The following FRMPD4 variants were observed in gnomAD, a reference collection of about 807,000 sequenced individuals.
FRMPD4 encodes FERM and PDZ domain containing 4.
FRMPD4 carries 22 observed loss-of-function variants against 94.1 expected under a neutral mutation model. The observed-to-expected ratio is 0.23, with a 90% confidence interval of 0.17 to 0.33. The LOEUF is 0.33. Ranked by LOEUF, FRMPD4 falls within the 10% of genes least tolerant of loss-of-function variation. FRMPD4 has a pLI of 1.00. For missense variants in FRMPD4, 1,111 were observed against 1,339.9 expected, an observed-to-expected ratio of 0.83 and a Z score of 2.67; for synonymous variants, 631 against 548.6, an observed-to-expected ratio of 1.15 and a Z score of -2.10.
intron 1 of FRMPD4, among the ~76,000 whole-genome samples, chrX:12,163,359 C>G (rs919269859): frequency 3.4e-5 from 3 of 87,481 alleles, no homozygotes; most frequent in Non-Finnish European, 4.7e-5. Context: ...TTGTTTGTTT[C>G]TTTGTTTGTT....
intron 1 of FRMPD4, among the ~76,000 whole-genome samples, chrX:12,273,171 T>C (rs2054380722): frequency 8.9e-6 from 1 of 112,228 alleles, no homozygotes; most frequent in African/African-American, 3.2e-5. Context: ...GTCTTGTTAT[T>C]CTAGACAAAG....
intron 1 of FRMPD4, among the ~76,000 whole-genome samples, chrX:12,287,998 C>A (rs2054626013): frequency 9.0e-6 from 1 of 111,506 alleles, no homozygotes; most frequent in Admixed American, 9.5e-5. Flanking sequence ...TGGCTGCCAC[C>A]CATCTGACAA....
chrX:12,664,220 C>T (rs1391316351), intron 4 of FRMPD4, among the ~76,000 whole-genome samples: 2 of 112,064 alleles, frequency 1.8e-5, no homozygotes, highest in East Asian at 5.6e-4. Flanking sequence ...ATTGCCCTGG[C>T]CCAGAACTTC....
At chrX:12,665,939 G>A (rs969547558) in intron 4 of FRMPD4, among the ~76,000 whole-genome samples, 19 of 111,627 alleles carry the variant, frequency 1.7e-4, no homozygotes, top group African/African-American at 6.2e-4. Flanking sequence ...AACTTTAAAT[G>A]TAAATGGGCT....
chrX:11,886,729 C>A (rs755472434), intron 3 of FRMPD4, among the ~76,000 whole-genome samples: 1 of 97,920 alleles, frequency 1.0e-5, no homozygotes, highest in Admixed American at 1.2e-4. Context: ...CTCCAGTAAT[C>A]GTGACTTTTT....
chrX:12,245,272 C>A (rs2053938864), intron 1 of FRMPD4, among the ~76,000 whole-genome samples: 1 of 111,037 alleles, frequency 9.0e-6, no homozygotes, highest in Non-Finnish European at 1.9e-5. Context: ...GCGCTCTTGC[C>A]CAGAAATGAT....
rs749643258 is a variant in FRMPD4, at chrX:12,427,846, G to A, written c.42-70834G>A. Among the ~76,000 whole-genome samples, 6 of 103,285 alleles carry A rather than the reference G, an allele frequency of 5.8e-5. No individual in the cohort carries two copies. In the South Asian group the frequency reaches 1.7e-3, roughly 30 times the overall value. The allele number at this position is 103,285 out of a possible 115,157, so 89.7% of individuals were successfully genotyped here. A position where few individuals can be genotyped will look rare whatever the true frequency, so the allele number is the denominator to read the frequency against. ...GATTCATCCGATTTTAGACAGTATC[G>A]TTGACTTTTTATTATGACAGATAAG... On this transcript the variant is annotated intron_variant, in intron 1 of 16. Transcript: ENST00000675598.
intron 3 of FRMPD4, among the ~76,000 whole-genome samples, chrX:12,011,319 G>A (rs931123260): frequency 8.9e-6 from 1 of 111,933 alleles, no homozygotes; most frequent in Non-Finnish European, 1.9e-5. Context: ...CCATGAGGAG[G>A]TGTGTCTGAT....
intron 1 of FRMPD4, among the ~76,000 whole-genome samples, chrX:12,344,339 C>G (rs2055667116): frequency 9.0e-6 from 1 of 111,492 alleles, no homozygotes; most frequent in South Asian, 3.8e-4. Flanking sequence ...AATTATCATT[C>G]AACTTTCTCT....
chrX:12,537,788 G>A lies in FRMPD4; in HGVS notation c.158+38992G>A, dbSNP rs188076472. 3.2e-3 allele frequency among the ~76,000 whole-genome samples: 348 copies of A among 109,762 alleles called. 2 individuals are homozygous for A. Among genetic ancestry groups the A allele is most frequent in the African/African-American group, 0.011 (334 of 30,107 alleles). On this transcript the variant is annotated intron_variant, in intron 2 of 16. Transcript: ENST00000675598. ...CTATTAATATTTATTCTTTAAGCAC[G>A]CCTATTGTCTGAATTAATTAACAAA...
Position 12,011,811 on chromosome X carries a change from C to T in FRMPD4, c.95+133793C>T, listed in dbSNP as rs185045893. On this transcript the variant is annotated intron_variant, in intron 3 of 18. Coordinates refer to the FRMPD4 transcript ENST00000640291. ...GACATTGTTGTCATTTCAGTGATAC[C>T]ATCTCTGTGCTTTCAGGCAATTCTC... Among the ~76,000 whole-genome samples, 573 of 111,249 alleles carry T rather than the reference C, an allele frequency of 5.2e-3. 4 individuals carry two copies. Among genetic ancestry groups the T allele is most frequent in the Non-Finnish European group, 7.5e-3 (400 of 53,015 alleles).
chrX:12,719,379 AT>A (rs1034733764), intron 16 of FRMPD4, among the ~76,000 whole-genome samples: 2 of 112,400 alleles, frequency 1.8e-5, no homozygotes, highest in Non-Finnish European at 3.8e-5. Context: ...TTTCCCCAAA[AT>A]AATAAAGTGT....
intron 3 of FRMPD4, among the ~76,000 whole-genome samples, chrX:12,089,043 A>G (rs1350397146): frequency 8.9e-6 from 1 of 112,331 alleles, no homozygotes; most frequent in African/African-American, 3.2e-5. Flanking sequence ...TATATATGCT[A>G]TATATAAATG....
At chrX:12,646,841 A>G (rs1450641119) in intron 4 of FRMPD4, among the ~76,000 whole-genome samples, 1 of 112,183 alleles carries the variant, frequency 8.9e-6, no homozygotes, top group Non-Finnish European at 1.9e-5. Context: ...AAAATAGTTT[A>G]TGGTCTTTAC....
chrX:11,892,235 C>T (rs2053878934), intron 3 of FRMPD4, among the ~76,000 whole-genome samples: 1 of 112,030 alleles, frequency 8.9e-6, no homozygotes, highest in Non-Finnish European at 1.9e-5. Context: ...TTCCTAAATT[C>T]TTATTTTGGC....
At chrX:12,023,210 C>T (rs1212395691) in intron 3 of FRMPD4, among the ~76,000 whole-genome samples, 2 of 111,581 alleles carry the variant, frequency 1.8e-5, no homozygotes, top group Non-Finnish European at 3.8e-5. Context: ...ACTCACCAGA[C>T]TCCCATCTGC....
At chrX:12,039,615 ATTTGT>A (rs1340801276) in intron 3 of FRMPD4, among the ~76,000 whole-genome samples, 1 of 110,348 alleles carries the variant, frequency 9.1e-6, no homozygotes, top group East Asian at 2.8e-4. Context: ...ATTTATTCAG[ATTTGT>A]TTTGTGGATC....
At chrX:11,900,283 G>A (rs1456532297) in intron 3 of FRMPD4, among the ~76,000 whole-genome samples, 1 of 110,993 alleles carries the variant, frequency 9.0e-6, no homozygotes, top group African/African-American at 3.3e-5. Flanking sequence ...GAACACAGAA[G>A]GGCATTGGTT....
intron 1 of FRMPD4, among the ~76,000 whole-genome samples, chrX:11,838,036 T>C (rs1465613536): frequency 9.0e-6 from 1 of 111,531 alleles, no homozygotes; most frequent in Non-Finnish European, 1.9e-5. Flanking sequence ...AAAGATGCTA[T>C]AAGGATATTC....
Sources: gnomAD v4.1 joint callset for allele counts (sites outside exome capture counted in the v4.1 genomes callset) on GRCh38, gnomAD v4.1.1 for gene constraint, MANE v1.5 for transcripts, NCBI Gene and HGNC (gene_info 2026-07-23, HGNC 2026-07-21) for gene names.